The following STAM variants were observed in gnomAD, a reference collection of about 807,000 sequenced individuals.
STAM encodes signal transducing adaptor molecule.
A neutral mutation model predicts 63.4 loss-of-function variants in STAM; 16 were observed. The ratio of observed to expected loss-of-function variants is 0.25; its 90% CI spans 0.17 to 0.38. STAM has a LOEUF of 0.38. Among genes scored for constraint, STAM ranks in the 10% least tolerant of loss-of-function variants. The pLI is 1.00. For synonymous variants in STAM, 238 were observed against 223.9 expected (o/e 1.06, Z -0.56); for missense variants, 636 against 657.1 (o/e 0.97, Z 0.35).
intron 13 of STAM, among the ~76,000 whole-genome samples, chr10:17,713,358 T>TC (rs1836649442): frequency 6.6e-6 from 1 of 152,114 alleles, no homozygotes; most frequent in African/African-American, 2.4e-5. Flanking sequence ...CCTCCGTACT[T>TC]CCCCACAGGA....
At chr10:17,671,557 A>G (rs1232227184) in intron 2 of STAM, among the ~76,000 whole-genome samples, 1 of 152,108 alleles carries the variant, frequency 6.6e-6, no homozygotes. Flanking sequence ...TCCATTAGGG[A>G]TGGTTTCAGG....
At chr10:17,703,023 AAAAAG>A (rs1159607207) in intron 9 of STAM, among the ~76,000 whole-genome samples, 1,566 of 113,540 alleles carry the variant, frequency 0.014, 13 homozygotes, top group African/African-American at 0.031. Context: ...AAAAAAAAAA[AAAAAG>A]AAAAGAAAAG....
chr10:17,694,385 A>G (rs1218867319), intron 6 of STAM, among the ~76,000 whole-genome samples: 2 of 152,076 alleles, frequency 1.3e-5, no homozygotes, highest in Non-Finnish European at 2.9e-5. Context: ...TTGTTTTCGT[A>G]TTGTTTCTTT....
At chr10:17,654,801 C>A (rs1833876801) in intron 1 of STAM, among the ~76,000 whole-genome samples, 1 of 152,104 alleles carries the variant, frequency 6.6e-6, no homozygotes, top group Admixed American at 6.6e-5. Flanking sequence ...AAGTCTAGGT[C>A]TTGTTGTTTT....
intron 9 of STAM, among the ~76,000 whole-genome samples, chr10:17,703,245 G>C (rs1035422417): frequency 2.6e-5 from 4 of 151,124 alleles, no homozygotes; most frequent in Non-Finnish European, 5.9e-5. Context: ...TGTTTTTTAA[G>C]ACTGCTTAAA....
In STAM at chr10:17,705,714, G is replaced by T. The variant is rs1554829156; in HGVS notation, c.1182G>T (p.Met394Ile). The T allele has an allele frequency of 9.3e-6, 15 of 1,612,898 alleles. No individual in the cohort carries two copies. The highest frequency in any genetic ancestry group is 1.2e-5 in the Non-Finnish European group (14 of 1,179,668). The change falls in exon 12 of 14, where the codon ATG becomes ATT. Residue 394 changes from methionine (M) to isoleucine (I), a missense_variant. By Grantham distance (10) the Met-to-Ile change is conservative (BLOSUM62 1). Around this residue, in one of 3 missense-constraint regions of STAM, gnomAD observed 532 missense variants for 536.9 expected, o/e 0.99. Transcript: ENST00000377524. Reference protein sequence around the residue: ...YAKLQNQPYYMQSSGVSGSQV... With the variant: ...YAKLQNQPYYIQSSGVSGSQV... ...AGTTACAGAATCAGCCATATTATAT[G>T]CAGTCATCTGGTGTTTCTGGTTCTC...
intron 2 of STAM, among the ~76,000 whole-genome samples, chr10:17,663,708 G>A (rs1028613822): frequency 6.6e-6 from 1 of 152,070 alleles, no homozygotes; most frequent in Non-Finnish European, 1.5e-5. Flanking sequence ...TTAATAAAGA[G>A]TTGTTTGAAA....
At chr10:17,680,818 A>G (rs1835056197) in intron 2 of STAM, among the ~76,000 whole-genome samples, 1 of 152,152 alleles carries the variant, frequency 6.6e-6, no homozygotes, top group Non-Finnish European at 1.5e-5. Context: ...TCCCTGTTAT[A>G]GCGTATTCCA....
chr10:17,651,564 C>T (rs192409790), intron 1 of STAM, among the ~76,000 whole-genome samples: 2 of 152,284 alleles, frequency 1.3e-5, no homozygotes, highest in South Asian at 4.1e-4. Flanking sequence ...TACCTCTCCT[C>T]TAAGCTGTTT....
rs542390228 is a variant in STAM at position 17,680,260 on chromosome 10, G to T, written c.126-4415G>T. Among the ~76,000 whole-genome samples the T allele has an allele frequency of 4.7e-5, 7 of 147,716 alleles. No individual in the cohort carries two copies. In the South Asian group the frequency reaches 1.3e-3, roughly 28 times the overall value. The stretch of plus-strand genomic sequence containing the variant: ...ACCATCTTAATGGTATTAAATACCT[G>T]CATAATGTTGTGAACTCTAGTCCCC... On this transcript the variant is annotated intron_variant, in intron 2 of 13. Transcript: ENST00000377524.
rs1480854472 is a variant in STAM, at chr10:17,660,484, A to T, written c.61A>T (p.Asn21Tyr). 1 of 1,602,852 alleles carries T rather than the reference A, an allele frequency of 6.2e-7. No homozygotes were observed. The highest frequency in any genetic ancestry group is 8.5e-7 in the Non-Finnish European group (1 of 1,174,708). The change falls in exon 2 of 14, where the codon AAT becomes TAT. Residue 21 changes from asparagine to tyrosine, a missense_variant. By Grantham distance (143) the Asn-to-Tyr change is moderately radical. Coordinates refer to ENST00000377524, the MANE Select transcript of STAM (RefSeq NM_003473.4). ...QDVEKATSEM[N>Y]TAEDWGLILD... ...TACAGAGAAAGCAACCAGCGAGATG[A>T]ATACTGCTGAGGACTGGGGCCTCAT...
chr10:17,698,394 C>T (rs930308009), intron 8 of STAM, among the ~76,000 whole-genome samples: 1 of 150,240 alleles, frequency 6.7e-6, no homozygotes, highest in South Asian at 2.1e-4. Context: ...GGTCAAGGAT[C>T]TCATGTAGAT....
At chr10:17,664,774 A>C (rs1301234480) in intron 2 of STAM, among the ~76,000 whole-genome samples, 1 of 152,142 alleles carries the variant, frequency 6.6e-6, no homozygotes, top group Non-Finnish European at 1.5e-5. Flanking sequence ...TCAGGCAACA[A>C]TCTAGATTTA....
chr10:17,675,848 G>C (rs1554824605), intron 2 of STAM, among the ~76,000 whole-genome samples: 1 of 151,816 alleles, frequency 6.6e-6, no homozygotes, highest in Non-Finnish European at 1.5e-5. Context: ...GATTCACCCT[G>C]AAAGTCTTGC....
chr10:17,695,150 C>G lies in STAM; in HGVS notation c.637C>G (p.Arg213Gly). The change falls in exon 7 of 14, where the codon CGA becomes GGA. Residue 213 changes from arginine (R) to glycine (G), a missense_variant. By Grantham distance (125) the Arg-to-Gly change is moderately radical. Around this residue, in one of 3 missense-constraint regions of STAM, gnomAD observed 532 missense variants for 536.9 expected, o/e 0.99. Transcript: ENST00000377524. The stretch of plus-strand genomic sequence containing the variant: ...CTTAACTAACCACCAACATGAAGGC[C>G]GAAAAGTTCGTGCTATATATGACTT... ...SLLTNHQHEGRKVRAIYDFEA... is the reference protein window; with the variant it reads ...SLLTNHQHEGGKVRAIYDFEA... 1 of 1,613,986 alleles carries G rather than the reference C, an allele frequency of 6.2e-7. No homozygotes were observed.
intron 2 of STAM, among the ~76,000 whole-genome samples, chr10:17,682,893 T>G (rs982639086): frequency 4.6e-5 from 7 of 152,208 alleles, no homozygotes; most frequent in Non-Finnish European, 8.8e-5. Flanking sequence ...GATGTTTCCT[T>G]TATATATTTT....
chr10:17,705,382 G>A (rs1412765040), intron 11 of STAM, among the ~76,000 whole-genome samples: 3 of 152,142 alleles, frequency 2.0e-5, no homozygotes, highest in Non-Finnish European at 2.9e-5. Context: ...ACGATAAGAC[G>A]GAGTTCCCTT....
intron 13 of STAM, among the ~76,000 whole-genome samples, chr10:17,711,430 A>T (rs1554830081): frequency 6.6e-6 from 1 of 152,232 alleles, no homozygotes; most frequent in Non-Finnish European, 1.5e-5. Context: ...TAGACACCTG[A>T]GAGTCTTCTT....
At chr10:17,674,879 T>C (rs4747321) in intron 2 of STAM, among the ~76,000 whole-genome samples, 9,058 of 152,206 alleles carry the variant, frequency 0.06, 366 homozygotes, top group Middle Eastern at 0.13. Context: ...TAGGAAAAAA[T>C]AATTCTAATA....
Sources: gnomAD v4.1 joint callset for allele counts (sites outside exome capture counted in the v4.1 genomes callset) on GRCh38, gnomAD v4.1.1 for gene constraint, gnomAD v4.1.1 regional missense constraint, MANE v1.5 for transcripts, NCBI Gene and HGNC (gene_info 2026-07-23, HGNC 2026-07-21) for gene names.